SPATA13: variants seen among roughly 807,000 people sequenced by gnomAD.
SPATA13 encodes spermatogenesis associated 13.
In SPATA13, 50 loss-of-function variants were observed where a neutral mutation model predicts 104.0. The observed-to-expected ratio is 0.48, with a 90% CI of 0.38 to 0.61. SPATA13 has a LOEUF of 0.61. Ranked by LOEUF, SPATA13 falls within the 20% of genes least tolerant of loss-of-function variation. The pLI is 0.00. For missense variants in SPATA13, 1,524 were observed against 1,690.6 expected, an observed-to-expected ratio of 0.90 and a Z score of 1.73; for synonymous variants, 606 against 667.5, an observed-to-expected ratio of 0.91 and a Z score of 1.42.
rs1416986606 is a variant in SPATA13 at position 24,224,425 on chromosome 13, A to C, written c.1496A>C (p.Glu499Ala). The change falls in exon 2 of 13, where the codon GAG becomes GCG. Residue 499 changes from glutamate to alanine, a missense_variant. This residue lies in a region of SPATA13 where 1,089 missense variants were observed against 1,135.9 expected (regional missense o/e 0.96). Coordinates refer to ENST00000382108, the MANE Select transcript of SPATA13 (RefSeq NM_001166271.3). The part of the protein sequence containing the change: ...SNHSALSANS[E>A]ESEGRAEEPA... ...CACAGTGCCCTGTCCGCGAATTCAG[A>C]GGAAAGTGAAGGAAGGGCAGAAGAG... The C allele has an allele frequency of 2.6e-6, 4 of 1,551,544 alleles. No homozygotes were observed. The highest frequency in any genetic ancestry group is 3.9e-5 in the Admixed American group (2 of 50,984).
chr13:24,027,141 T>TC (rs1566077624), intron 3 of SPATA13, among the ~76,000 whole-genome samples: 1 of 145,308 alleles, frequency 6.9e-6, no homozygotes, highest in African/African-American at 2.5e-5. Flanking sequence ...GCCGTTTTTT[T>TC]TTTTTTTTTT....
At chr13:24,116,916 C>T (rs1426124148) in intron 3 of SPATA13, among the ~76,000 whole-genome samples, 1 of 152,168 alleles carries the variant, frequency 6.6e-6, no homozygotes, top group Non-Finnish European at 1.5e-5. Flanking sequence ...TCTCTCTCTG[C>T]AATGTGAGGA....
At chr13:24,056,591 A>G (rs547186739) in intron 3 of SPATA13, among the ~76,000 whole-genome samples, 1 of 152,286 alleles carries the variant, frequency 6.6e-6, no homozygotes, top group East Asian at 1.9e-4. Flanking sequence ...TGCTGCACCC[A>G]CAGAGCCCAG....
chr13:24,077,519 G>A (rs995755491), intron 3 of SPATA13, among the ~76,000 whole-genome samples: 1 of 151,892 alleles, frequency 6.6e-6, no homozygotes, highest in Non-Finnish European at 1.5e-5. Flanking sequence ...TTCCTATCAG[G>A]TACAATCACC....
chr13:24,158,335 C>T (rs1882323646), upstream of SPATA13, among the ~76,000 whole-genome samples: 1 of 152,182 alleles, frequency 6.6e-6, no homozygotes, highest in Admixed American at 6.5e-5. Flanking sequence ...GCCATGTTGA[C>T]AGAAAGCCAC....
intron 3 of SPATA13, among the ~76,000 whole-genome samples, chr13:24,069,311 T>C (rs1879079422): frequency 6.6e-6 from 1 of 152,212 alleles, no homozygotes; most frequent in South Asian, 2.1e-4. Context: ...TAGTGGTTTG[T>C]AGTTCTCCTT....
intron 3 of SPATA13, among the ~76,000 whole-genome samples, chr13:24,031,483 A>C (rs1877478319): frequency 6.6e-6 from 1 of 152,240 alleles, no homozygotes; most frequent in South Asian, 2.1e-4. Flanking sequence ...GGGAAAACAC[A>C]TCTATGACTA....
intron 4 of SPATA13, among the ~76,000 whole-genome samples, chr13:24,277,651 G>C (rs927445670): frequency 6.6e-6 from 1 of 152,002 alleles, no homozygotes; most frequent in African/African-American, 2.4e-5. Context: ...TCAACTTCTT[G>C]GAACCTCAGT....
At chr13:24,159,841 G>T (rs1882393293), upstream of SPATA13, among the ~76,000 whole-genome samples, 1 of 151,948 alleles carries the variant, frequency 6.6e-6, no homozygotes, top group Admixed American at 6.6e-5. Context: ...AATAGTGCTG[G>T]CCACTAAATG....
chr13:24,100,241 C>G (rs558525314), intron 3 of SPATA13, among the ~76,000 whole-genome samples: 6 of 152,214 alleles, frequency 3.9e-5, no homozygotes, highest in African/African-American at 1.4e-4. Flanking sequence ...TTTACTGAAC[C>G]TTTTTACCAA....
chr13:24,089,198 C>G (rs990733201), intron 3 of SPATA13, among the ~76,000 whole-genome samples: 1 of 152,188 alleles, frequency 6.6e-6, no homozygotes, highest in African/African-American at 2.4e-5. Context: ...TGCATTTCCC[C>G]TGTGTCTCAC....
intron 2 of SPATA13, among the ~76,000 whole-genome samples, chr13:23,995,813 T>A (rs1255652064): frequency 6.6e-6 from 1 of 152,056 alleles, no homozygotes; most frequent in African/African-American, 2.4e-5. Flanking sequence ...AAAATTCAGA[T>A]AAGCCATGTT....
At position 24,114,518 on chromosome 13, in the gene SPATA13, T is replaced by C. The variant is rs569516902; in HGVS notation, c.-112+96817T>C. Reference sequence around the variant, plus strand: ...TGCCTCCACTGTTTCTCTTGGCATCTCAGGCTGTCAACTGGCTGCCACATT... The same window carrying C: ...TGCCTCCACTGTTTCTCTTGGCATCCCAGGCTGTCAACTGGCTGCCACATT... On this transcript the variant is annotated intron_variant, in intron 3 of 14. Coordinates refer to the SPATA13 transcript ENST00000424834. Among the ~76,000 whole-genome samples, 185 of 152,344 alleles carry C rather than the reference T, an allele frequency of 1.2e-3. 3 individuals carry two copies. Among genetic ancestry groups the C allele is most frequent in the Middle Eastern group, 3.4e-3 (1 of 292 alleles).
At chr13:24,003,778 T>C (rs1313191196) in intron 2 of SPATA13, among the ~76,000 whole-genome samples, 3 of 152,228 alleles carry the variant, frequency 2.0e-5, no homozygotes, top group African/African-American at 7.2e-5. Context: ...TCCATTATAG[T>C]AATGATTTTA....
chr13:24,222,438 C>A, intron 1 of SPATA13, among the ~76,000 whole-genome samples: 1 of 151,940 alleles, frequency 6.6e-6, no homozygotes, highest in South Asian at 2.1e-4. Flanking sequence ...CTTTTGAAAT[C>A]GTTGTGAGGT....
At chr13:24,149,956 G>C (rs1218874287) in intron 3 of SPATA13, among the ~76,000 whole-genome samples, 1 of 152,092 alleles carries the variant, frequency 6.6e-6, no homozygotes, top group Non-Finnish European at 1.5e-5. Context: ...GGGAGGGAGA[G>C]AGCTGCTGTG....
intron 12 of SPATA13, chr13:24,300,697 C>T: frequency 1.8e-6 from 1 of 543,992 alleles, no homozygotes; most frequent in Non-Finnish European, 3.3e-6. Flanking sequence ...GCATAGGAAA[C>T]CTTCAGAGGG....
At chr13:24,025,813 C>T (rs547707887) in intron 3 of SPATA13, among the ~76,000 whole-genome samples, 5 of 146,556 alleles carry the variant, frequency 3.4e-5, no homozygotes, top group African/African-American at 1.3e-4. Flanking sequence ...TTCTTTCTTT[C>T]TTTTTTTTTT....
Position 24,304,971 on chromosome 13 carries a change from A to G in SPATA13, c.*2198A>G, listed in dbSNP as rs1877483060. ...AAACTACTTAATATGCTTTTCCTGCACACCTTAGCAATAACTGTAGGGGTC... is the reference window on the plus strand; with the variant it reads ...AAACTACTTAATATGCTTTTCCTGCGCACCTTAGCAATAACTGTAGGGGTC... On this transcript the variant is annotated 3_prime_UTR_variant, in exon 13 of 13. Transcript: ENST00000382108. The G allele has an allele frequency of 6.6e-6, 1 of 152,270 alleles. No individual in the cohort carries two copies. Among genetic ancestry groups the G allele is most frequent in the Non-Finnish European group, 1.5e-5 (1 of 68,048 alleles). 9.4% of individuals were successfully genotyped at this position (152,270 alleles called of 1,614,324 possible).
Sources: gnomAD v4.1 joint callset for allele counts (sites outside exome capture counted in the v4.1 genomes callset) on GRCh38, gnomAD v4.1.1 for gene constraint, gnomAD v4.1.1 regional missense constraint, MANE v1.5 for transcripts, NCBI Gene and HGNC (gene_info 2026-07-23, HGNC 2026-07-21) for gene names.